The following NDUFS4 variants were observed in gnomAD, a reference collection of about 807,000 sequenced individuals.
NDUFS4 encodes the protein NADH dehydrogenase [ubiquinone] iron-sulfur protein 4, mitochondrial.
In NDUFS4, 28 loss-of-function variants were observed where a neutral mutation model predicts 24.3. That is an observed-to-expected ratio of 1.15 (90% CI 0.85 to 1.58). The LOEUF is 1.58. Among genes scored for constraint, NDUFS4 ranks in the 40% most tolerant of loss-of-function variants. The probability of loss-of-function intolerance (pLI) is 0.00; values close to 1 mark genes in which losing one functional copy is unlikely to be tolerated. For synonymous variants in NDUFS4, 93 were observed against 69.7 expected, an observed-to-expected ratio of 1.34 and a Z score of -1.67; for missense variants, 223 against 207.9, an observed-to-expected ratio of 1.07 and a Z score of -0.45.
intron 4 of NDUFS4, among the ~76,000 whole-genome samples, chr5:53,680,838 TATA>T (rs1008434499): frequency 2.6e-5 from 4 of 151,804 alleles, no homozygotes; most frequent in Admixed American, 6.6e-5. Flanking sequence ...TAAAACTTAG[TATA>T]ATAATAATAA....
At chr5:53,667,569 G>A (rs1224908479) in intron 4 of NDUFS4, among the ~76,000 whole-genome samples, 1 of 151,862 alleles carries the variant, frequency 6.6e-6, no homozygotes, top group Non-Finnish European at 1.5e-5. Context: ...CCCCTCTTGG[G>A]TAGGTAAATA....
intron 3 of NDUFS4, among the ~76,000 whole-genome samples, chr5:53,650,633 T>A (rs529530881): frequency 3.3e-5 from 5 of 152,340 alleles, no homozygotes; most frequent in African/African-American, 1.2e-4. Flanking sequence ...AGTTCTGGAA[T>A]GAGGGTCTTA....
chr5:53,683,267 G>A lies in NDUFS4; in HGVS notation c.*46G>A, dbSNP rs567. On this transcript the variant is annotated 3_prime_UTR_variant, in exon 5 of 5. Coordinates refer to ENST00000296684, the MANE Select transcript of NDUFS4 (RefSeq NM_002495.4). ...TGCTTGACTGTGAATAAAGTCAGCT[G>A]TGCAGTATTTATAGTCCATGTATAA... 622,081 of 1,335,210 alleles carry A rather than the reference G, an allele frequency of 0.47. 148,523 individuals carry two copies. Among genetic ancestry groups the A allele is most frequent in the Admixed American group, 0.53 (31,696 of 59,296 alleles). The allele number at this position is 1,335,210 out of a possible 1,614,324, so 82.7% of individuals were successfully genotyped here.
chr5:53,635,348 CA>C (rs5867886), intron 2 of NDUFS4, among the ~76,000 whole-genome samples: 1,576 of 136,300 alleles, frequency 0.012, 20 homozygotes, highest in African/African-American at 0.038. Context: ...CCCATCTCTA[CA>C]AAAAAAAAAA....
At chr5:53,663,831 C>T (rs1752421541) in intron 4 of NDUFS4, among the ~76,000 whole-genome samples, 2 of 152,064 alleles carry the variant, frequency 1.3e-5, no homozygotes, top group Admixed American at 6.6e-5. Flanking sequence ...AGCCCATTTA[C>T]CTTTAAGGTT....
intron 2 of NDUFS4, among the ~76,000 whole-genome samples, chr5:53,634,585 C>T (rs1190119320): frequency 6.6e-6 from 1 of 151,916 alleles, no homozygotes; most frequent in Non-Finnish European, 1.5e-5. Context: ...CTTTGCTTCC[C>T]TTTCTTTTCC....
chr5:53,640,681 G>C (rs13187745), intron 2 of NDUFS4, among the ~76,000 whole-genome samples: 193 of 152,270 alleles, frequency 1.3e-3, no homozygotes, highest in Middle Eastern at 3.4e-3. Flanking sequence ...CAGACCATTT[G>C]TGAGGGATCT....
At chr5:53,614,155 T>TTAAAAC (rs1181369862) in intron 2 of NDUFS4, among the ~76,000 whole-genome samples, 2 of 151,968 alleles carry the variant, frequency 1.3e-5, no homozygotes, top group East Asian at 3.9e-4. Flanking sequence ...TAAAACCTGT[T>TTAAAAC]ATATTTAACT....
intron 1 of NDUFS4, among the ~76,000 whole-genome samples, chr5:53,598,420 T>C (rs1433992733): frequency 6.6e-6 from 1 of 152,212 alleles, no homozygotes; most frequent in East Asian, 1.9e-4. Context: ...GTGAGTTGGG[T>C]GATTCTTGCA....
intron 4 of NDUFS4, among the ~76,000 whole-genome samples, chr5:53,682,593 G>T (rs766229127): frequency 6.6e-6 from 1 of 151,988 alleles, no homozygotes; most frequent in Non-Finnish European, 1.5e-5. Context: ...AAGTCCAGGG[G>T]ATTGAACCAA....
intron 4 of NDUFS4, among the ~76,000 whole-genome samples, chr5:53,679,672 G>A (rs575242450): frequency 6.6e-6 from 1 of 152,310 alleles, no homozygotes; most frequent in South Asian, 2.1e-4. Context: ...GTGAATGAGA[G>A]AGTGATTATC....
intron 1 of NDUFS4, among the ~76,000 whole-genome samples, chr5:53,603,245 G>C (rs1750384037): frequency 1.3e-5 from 2 of 151,906 alleles, no homozygotes; most frequent in African/African-American, 4.8e-5. Context: ...AGCCTGTTGT[G>C]AACTGTCAAG....
chr5:53,674,657 T>A, intron 4 of NDUFS4, among the ~76,000 whole-genome samples: 1 of 152,320 alleles, frequency 6.6e-6, no homozygotes, highest in Non-Finnish European at 1.5e-5. Flanking sequence ...AATAAATATC[T>A]ATTAATTACC....
intron 2 of NDUFS4, among the ~76,000 whole-genome samples, chr5:53,640,565 G>T (rs1751681348): frequency 6.6e-6 from 1 of 152,012 alleles, no homozygotes; most frequent in Non-Finnish European, 1.5e-5. Context: ...GATAGAGGAG[G>T]CAAGAGAGAG....
intron 4 of NDUFS4, among the ~76,000 whole-genome samples, chr5:53,671,671 T>C (rs1740249007): frequency 6.6e-6 from 1 of 152,146 alleles, no homozygotes; most frequent in Admixed American, 6.6e-5. Context: ...TCTTTCCTTG[T>C]GTTATGTAAT....
chr5:53,635,509 G>T (rs2112494987), intron 2 of NDUFS4, among the ~76,000 whole-genome samples: 1 of 152,178 alleles, frequency 6.6e-6, no homozygotes, highest in Non-Finnish European at 1.5e-5. Context: ...GATGGAGTGA[G>T]ATCCTTTCTC....
chr5:53,635,303 G>T (rs1158760936), intron 2 of NDUFS4, among the ~76,000 whole-genome samples: 1 of 149,794 alleles, frequency 6.7e-6, no homozygotes, highest in Non-Finnish European at 1.5e-5. Context: ...GTGGATTGCT[G>T]GAGTTCGAGA....
chr5:53,658,020 T>C (rs566887222), intron 3 of NDUFS4, among the ~76,000 whole-genome samples: 1 of 152,186 alleles, frequency 6.6e-6, no homozygotes, highest in South Asian at 2.1e-4. Flanking sequence ...CTGTCCTACA[T>C]TGAAGAATTC....
chr5:53,632,321 T>C (rs144488547), intron 2 of NDUFS4, among the ~76,000 whole-genome samples: 78 of 152,340 alleles, frequency 5.1e-4, no homozygotes, highest in African/African-American at 1.8e-3. Flanking sequence ...GTGATTGATA[T>C]TAAGCATTGT....
Sources: allele counts gnomAD v4.1 joint callset (sites outside exome capture counted in the v4.1 genomes callset), GRCh38; gene constraint gnomAD v4.1.1; transcripts MANE v1.5; gene names NCBI Gene and HGNC (gene_info 2026-07-23, HGNC 2026-07-21).